SMIM10L3: variants seen among roughly 807,000 people sequenced by gnomAD.
The protein encoded by SMIM10L3 is salivary gland specific protein SAGSIN1.
the SMIM10L3 span, among the ~76,000 whole-genome samples, chr7:6,343,224 A>G: frequency 3.3e-5 from 5 of 150,892 alleles, no homozygotes; most frequent in African/African-American, 1.2e-4. Context: ...TAAAAATACA[A>G]TAATTAGCTG....
At chr7:6,334,366 T>C in the SMIM10L3 span, among the ~76,000 whole-genome samples, 1 of 151,230 alleles carries the variant, frequency 6.6e-6, no homozygotes, top group African/African-American at 2.4e-5. Context: ...TAAAACCCCA[T>C]CTCTACTAAA....
the SMIM10L3 span, among the ~76,000 whole-genome samples, chr7:6,335,601 T>A: frequency 6.6e-6 from 1 of 152,160 alleles, no homozygotes; most frequent in South Asian, 2.1e-4. Context: ...CTTTTAACAT[T>A]TTCTATGTTT....
chr7:6,343,887 G>A, the SMIM10L3 span, among the ~76,000 whole-genome samples: 22 of 152,168 alleles, frequency 1.4e-4, no homozygotes, highest in African/African-American at 5.3e-4. Flanking sequence ...GCAATGAAGA[G>A]GATGGGTATG....
chr7:6,337,674 C>T, the SMIM10L3 span, among the ~76,000 whole-genome samples: 1 of 151,490 alleles, frequency 6.6e-6, no homozygotes, highest in Non-Finnish European at 1.5e-5. Flanking sequence ...TAAAAAAATT[C>T]ATTTAATAAG....
At chr7:6,335,425 C>T in the SMIM10L3 span, among the ~76,000 whole-genome samples, 57 of 151,424 alleles carry the variant, frequency 3.8e-4, no homozygotes, top group African/African-American at 1.1e-3. Context: ...GATGGTGTTT[C>T]GCTATGTTGC....
the SMIM10L3 span, chr7:6,329,975 T>C: frequency 5.2e-6 from 1 of 193,840 alleles, no homozygotes; most frequent in East Asian, 1.6e-4. Flanking sequence ...CCAAGTACAG[T>C]GGTGTAGACT....
chr7:6,346,358 C>T, the SMIM10L3 span, among the ~76,000 whole-genome samples: 1 of 152,028 alleles, frequency 6.6e-6, no homozygotes, highest in South Asian at 2.1e-4. Flanking sequence ...AATAAAGAGG[C>T]CAGTTAATCT....
the SMIM10L3 span, among the ~76,000 whole-genome samples, chr7:6,333,073 C>T: frequency 1.3e-4 from 19 of 151,348 alleles, no homozygotes; most frequent in Admixed American, 2.6e-4. Flanking sequence ...GAGAGAATTG[C>T]GTGAACCCGG....
At chr7:6,339,637 C>G in the SMIM10L3 span, among the ~76,000 whole-genome samples, 81,987 of 151,352 alleles carry the variant, frequency 0.54, 22,881 homozygotes, top group East Asian at 0.91. Flanking sequence ...GCGCCCGCCA[C>G]CACGCCTGGG....
the SMIM10L3 span, among the ~76,000 whole-genome samples, chr7:6,333,625 T>G: frequency 6.6e-6 from 1 of 151,484 alleles, no homozygotes; most frequent in Non-Finnish European, 1.5e-5. Context: ...CAGCCTCCTG[T>G]GTCACTGGGA....
At chr7:6,331,196 C>T in the SMIM10L3 span, 10 of 1,574,222 alleles carry the variant, frequency 6.4e-6, no homozygotes, top group African/African-American at 2.7e-5. Flanking sequence ...GTCACGCCTT[C>T]GTCAGTCTGG....
At chr7:6,346,110 C>G in the SMIM10L3 span, among the ~76,000 whole-genome samples, 185 of 152,038 alleles carry the variant, frequency 1.2e-3, no homozygotes, top group African/African-American at 4.2e-3. Flanking sequence ...ATCTAAAAAT[C>G]TTGACTTCTG....
chr7:6,348,290 C>T, the SMIM10L3 span, among the ~76,000 whole-genome samples: 1 of 151,664 alleles, frequency 6.6e-6, no homozygotes, highest in African/African-American at 2.4e-5. Context: ...AATAAAGGTC[C>T]TCTTCAACAC....
At chr7:6,332,144 T>C in the SMIM10L3 span, among the ~76,000 whole-genome samples, 1 of 151,638 alleles carries the variant, frequency 6.6e-6, no homozygotes, top group Non-Finnish European at 1.5e-5. Flanking sequence ...CGAAAAGGCT[T>C]TGAAATGAAC....
the SMIM10L3 span, among the ~76,000 whole-genome samples, chr7:6,332,956 C>G: frequency 1.3e-5 from 2 of 151,896 alleles, no homozygotes; most frequent in Admixed American, 6.6e-5. Context: ...GTCAGGAGTT[C>G]GAGACAAGCA....
At chr7:6,345,679 G>C in the SMIM10L3 span, among the ~76,000 whole-genome samples, 4 of 152,096 alleles carry the variant, frequency 2.6e-5, no homozygotes, top group Non-Finnish European at 5.9e-5. Context: ...TAGACAAAAA[G>C]GGGAGTACAG....
the SMIM10L3 span, among the ~76,000 whole-genome samples, chr7:6,340,901 A>AT: frequency 2.0e-5 from 3 of 147,276 alleles, no homozygotes; most frequent in Admixed American, 6.8e-5. Flanking sequence ...TCCATCTCAA[A>AT]AAAAAAAAAA....
the SMIM10L3 span, among the ~76,000 whole-genome samples, chr7:6,335,294 C>T: frequency 1.3e-5 from 2 of 151,842 alleles, no homozygotes; most frequent in Non-Finnish European, 2.9e-5. Context: ...ACAATCTCGG[C>T]TCACTACAAC....
At chr7:6,342,732 G>A in the SMIM10L3 span, among the ~76,000 whole-genome samples, 1 of 151,860 alleles carries the variant, frequency 6.6e-6, no homozygotes, top group African/African-American at 2.4e-5. Context: ...AGACATAAAA[G>A]ACAAAAACAA....
Sources: allele counts gnomAD v4.1 joint callset (sites outside exome capture counted in the v4.1 genomes callset), GRCh38; gene constraint gnomAD v4.1.1; transcripts MANE v1.5; gene names NCBI Gene and HGNC (gene_info 2026-07-23, HGNC 2026-07-21).